Variants in SEMA3E observed in about 807,000 individuals in gnomAD.
The protein encoded by SEMA3E is semaphorin-3E.
A neutral mutation model predicts 93.6 loss-of-function variants in SEMA3E; 49 were observed. That is an observed-to-expected ratio of 0.52 (90% CI 0.42 to 0.66). SEMA3E has a LOEUF of 0.66. SEMA3E is among the 30% of genes least tolerant of loss of function. The probability of loss-of-function intolerance (pLI) is 0.00; values close to 1 mark genes in which losing one functional copy is unlikely to be tolerated. For missense variants in SEMA3E, 906 were observed against 964.8 expected (o/e 0.94, Z 0.81); for synonymous variants, 363 against 330.7 (o/e 1.10, Z -1.06).
intron 13 of SEMA3E, 99 bp downstream of exon 13, chr7:83,394,198 A>G (rs1788072380): frequency 7.9e-7 from 1 of 1,267,912 alleles, no homozygotes; most frequent in Non-Finnish European, 1.1e-6. Flanking sequence ...TAATAAGTTC[A>G]TATTTAAGCA....
chr7:83,604,008 T>C (rs576239728), intron 1 of SEMA3E, among the ~76,000 whole-genome samples: 2 of 152,318 alleles, frequency 1.3e-5, no homozygotes, highest in Admixed American at 6.5e-5. Context: ...TATCAGAAAT[T>C]TCTTCATGTA....
chr7:83,410,129 A>G (rs573342555), intron 5 of SEMA3E, among the ~76,000 whole-genome samples: 305 of 151,944 alleles, frequency 2.0e-3, no homozygotes, highest in African/African-American at 6.6e-3. Flanking sequence ...AAAATCCTCT[A>G]TGGATGCCTA....
chr7:83,448,293 G>C (rs1168664665), intron 4 of SEMA3E, among the ~76,000 whole-genome samples: 1 of 152,086 alleles, frequency 6.6e-6, no homozygotes, highest in Non-Finnish European at 1.5e-5. Flanking sequence ...TTAAGGAGTC[G>C]ATGTATTACT....
chr7:83,584,889 C>G (rs1213996100), intron 1 of SEMA3E, among the ~76,000 whole-genome samples: 1 of 152,020 alleles, frequency 6.6e-6, no homozygotes, highest in East Asian at 1.9e-4. Context: ...ACAATCTTCC[C>G]CCAAAAAACT....
At position 83,405,534 on chromosome 7, in the gene SEMA3E, G is replaced by A. The variant is rs758030058; in HGVS notation, c.929-15C>T. 3.7e-6 allele frequency: 6 copies of A among 1,608,796 alleles called. No individual in the cohort carries two copies. Among genetic ancestry groups the A allele is most frequent in the Middle Eastern group, 1.7e-4 (1 of 6,044 alleles). ...AAAAACGTCCTCTGAAAAATTAAAG[G>A]CCATTCCATCGCTTAGTATTTTTAG... is the stretch of plus-strand genomic sequence containing the variant. On this transcript the variant is annotated splice_polypyrimidine_tract_variant and intron_variant, in intron 8 of 16. Transcript: ENST00000643230.
At chr7:83,476,355 C>T (rs745931996) in intron 2 of SEMA3E, among the ~76,000 whole-genome samples, 2 of 152,082 alleles carry the variant, frequency 1.3e-5, no homozygotes, top group African/African-American at 2.4e-5. Flanking sequence ...GCAATAACCC[C>T]GGCTCTGAAA....
In SEMA3E at chr7:83,539,971, C is replaced by G. The variant is rs6969757; in HGVS notation, c.116-49697G>C. Among the ~76,000 whole-genome samples, 717 of 151,324 alleles carry G rather than the reference C, an allele frequency of 4.7e-3. 3 individuals are homozygous for G. The highest frequency in any genetic ancestry group is 0.017 in the African/African-American group (682 of 41,276). The stretch of plus-strand genomic sequence containing the variant: ...TCTTGGCTCACTGCAACCTCTGCCT[C>G]CCTGGTTCAAGCGATTCTCCTGCCT... On this transcript the variant is annotated intron_variant, in intron 1 of 16. Transcript: ENST00000643230.
chr7:83,485,175 C>T (rs1221891138), intron 2 of SEMA3E, among the ~76,000 whole-genome samples: 1 of 152,080 alleles, frequency 6.6e-6, no homozygotes, highest in Non-Finnish European at 1.5e-5. Flanking sequence ...TGGAAACCAC[C>T]CAAATGTCCT....
intron 1 of SEMA3E, among the ~76,000 whole-genome samples, chr7:83,499,179 A>T (rs1400788309): frequency 6.6e-6 from 1 of 152,160 alleles, no homozygotes; most frequent in African/African-American, 2.4e-5. Flanking sequence ...CTAATACAGC[A>T]CTGCAATGTA....
rs373998559 is a variant in SEMA3E at position 83,408,501 on chromosome 7, T to C, written c.551-14A>G. 1.4e-5 allele frequency: 22 copies of C among 1,613,266 alleles called. No individual in the cohort carries two copies. The African/African-American group carries it at 2.8e-4, about 21-fold the overall frequency. ...ACAATTCACTACCTACACGGGAGCA[T>C]CAGTAAAAAAGAAGTCAGTATTTGT... On this transcript the variant is annotated splice_polypyrimidine_tract_variant and intron_variant, in intron 5 of 16. Coordinates refer to ENST00000643230, the MANE Select transcript of SEMA3E (RefSeq NM_012431.3).
intron 2 of SEMA3E, among the ~76,000 whole-genome samples, chr7:83,477,374 T>C (rs1382941082): frequency 2.6e-5 from 4 of 152,100 alleles, no homozygotes; most frequent in Non-Finnish European, 5.9e-5. Context: ...TCAATGTACA[T>C]CTTAATTATA....
chr7:83,582,680 G>A (rs1351078014), intron 1 of SEMA3E, among the ~76,000 whole-genome samples: 1 of 152,030 alleles, frequency 6.6e-6, no homozygotes, highest in Non-Finnish European at 1.5e-5. Flanking sequence ...GATGCCGGAG[G>A]AATTAAATTG....
At chr7:83,370,926 T>G (rs1253184011) in intron 16 of SEMA3E, among the ~76,000 whole-genome samples, 1 of 152,166 alleles carries the variant, frequency 6.6e-6, no homozygotes, top group Non-Finnish European at 1.5e-5. Context: ...AGATCTCTAT[T>G]TCTTGCCTGA....
At chr7:83,458,984 T>TATATATAC (rs1554328031) in intron 4 of SEMA3E, among the ~76,000 whole-genome samples, 2 of 147,334 alleles carry the variant, frequency 1.4e-5, no homozygotes, top group African/African-American at 2.5e-5. Context: ...TATATATATA[T>TATATATAC]ATACACACAC....
intron 1 of SEMA3E, among the ~76,000 whole-genome samples, chr7:83,590,372 T>A (rs1383070205): frequency 7.1e-6 from 1 of 140,740 alleles, no homozygotes; most frequent in Non-Finnish European, 1.6e-5. Context: ...ACTGGCAAAA[T>A]CTGGAGCGTA....
chr7:83,448,298 ATTAC>A (rs1461515296), intron 4 of SEMA3E, among the ~76,000 whole-genome samples: 1 of 152,214 alleles, frequency 6.6e-6, no homozygotes, highest in Non-Finnish European at 1.5e-5. Context: ...GAGTCGATGT[ATTAC>A]TTAATCACCT....
intron 1 of SEMA3E, among the ~76,000 whole-genome samples, chr7:83,617,136 T>C (rs979182162): frequency 5.3e-5 from 8 of 152,092 alleles, no homozygotes; most frequent in African/African-American, 1.7e-4. Context: ...GTGAAAAATG[T>C]ATTTTGGAAT....
intron 4 of SEMA3E, among the ~76,000 whole-genome samples, chr7:83,449,826 T>C (rs1297794578): frequency 6.6e-6 from 1 of 152,236 alleles, no homozygotes; most frequent in Non-Finnish European, 1.5e-5. Context: ...TTTTAAATTT[T>C]GTTTTAAACA....
intron 1 of SEMA3E, among the ~76,000 whole-genome samples, chr7:83,629,332 C>G (rs923312193): frequency 3.9e-5 from 6 of 152,182 alleles, no homozygotes; most frequent in Non-Finnish European, 7.3e-5. Context: ...AGAGCTCAAG[C>G]GCTGTGCTGG....
Sources: gnomAD v4.1 joint callset for allele counts (sites outside exome capture counted in the v4.1 genomes callset) on GRCh38, gnomAD v4.1.1 for gene constraint, MANE v1.5 for transcripts, NCBI Gene and HGNC (gene_info 2026-07-23, HGNC 2026-07-21) for gene names.